ORC1: variants seen among roughly 807,000 people sequenced by gnomAD.
ORC1 encodes origin recognition complex subunit 1.
ORC1 carries 61 observed loss-of-function variants against 98.9 expected under a neutral mutation model. The ratio of observed to expected loss-of-function variants is 0.62; its 90% confidence interval spans 0.50 to 0.76. The LOEUF is 0.76. Ranked by LOEUF, ORC1 falls within the 30% of genes least tolerant of loss-of-function variation. ORC1 has a pLI of 0.00. For synonymous variants in ORC1, 385 were observed against 406.9 expected (o/e 0.95, Z 0.65); for missense variants, 979 against 1,072.2 (o/e 0.91, Z 1.21).
At chr1:52,388,304 T>A in intron 8 of ORC1, 138 bp downstream of exon 8, 1 of 826,106 alleles carries the variant, frequency 1.2e-6, no homozygotes, top group Non-Finnish European at 2.1e-6. Context: ...TCTCCATGAA[T>A]ATTCCACAAA....
upstream of ORC1, chr1:52,404,603 C>G: frequency 1.3e-6 from 1 of 797,610 alleles, no homozygotes; most frequent in Admixed American, 3.0e-5. Flanking sequence ...AAGCCCTTTA[C>G]ACTACGGTGT....
chr1:52,401,999 C>T, intron 2 of ORC1, 130 bp downstream of exon 2: 2 of 777,124 alleles, frequency 2.6e-6, no homozygotes, highest in Non-Finnish European at 4.5e-6. Flanking sequence ...ACAAAACCCT[C>T]CTTACAATCA....
chr1:52,381,597 A>T, intron 14 of ORC1, 45 bp downstream of exon 14: 1 of 1,607,110 alleles, frequency 6.2e-7, no homozygotes, highest in Non-Finnish European at 8.5e-7. Context: ...GCAGGTACTC[A>T]GCAAAGATGT....
chr1:52,396,407 A>G (rs758624412), intron 4 of ORC1, 43 bp from the exon 5 acceptor site: 7 of 1,612,822 alleles, frequency 4.3e-6, no homozygotes, highest in Non-Finnish European at 5.9e-6. Flanking sequence ...GATGAGCCCC[A>G]AGAGAGCCAA....
At chr1:52,389,990 T>G (rs1217490359) in intron 6 of ORC1, among the ~76,000 whole-genome samples, 5 of 152,150 alleles carry the variant, frequency 3.3e-5, no homozygotes, top group Admixed American at 3.3e-4. Flanking sequence ...CCCTGAAGAC[T>G]CATCCAAAAA....
chr1:52,398,018 C>T lies in ORC1; in HGVS notation c.224-155G>A, dbSNP rs975585567. Among the ~76,000 whole-genome samples the T allele has an allele frequency of 2.0e-5, 3 of 152,296 alleles. No individual in the cohort carries two copies. In the East Asian group the frequency reaches 5.8e-4, roughly 29 times the overall value. ...AGTCTCTGTCACCCAGGCTGGAGTG[C>T]AGTGGCCCCATCTTGGCTCACTGCA... On this transcript the variant is annotated intron_variant, in intron 3 of 16. Coordinates refer to ENST00000371568, the MANE Select transcript of ORC1 (RefSeq NM_004153.4).
At chr1:52,376,637 C>G (rs561297096) in intron 14 of ORC1, among the ~76,000 whole-genome samples, 3 of 152,130 alleles carry the variant, frequency 2.0e-5, no homozygotes, top group Non-Finnish European at 2.9e-5. Context: ...TTCTCCTCCC[C>G]TCCCATTACC....
In ORC1 at chr1:52,393,952, G is replaced by A. The variant is rs548622304; in HGVS notation, c.722-149C>T. On this transcript the variant is annotated intron_variant, in intron 5 of 16. Coordinates refer to ENST00000371568, the MANE Select transcript of ORC1 (RefSeq NM_004153.4). ...TTCCAGGCTTGCTTTCTCCAGCCCA[G>A]GTAGCTCTAATAATTTTTCATCTCT... The A allele has an allele frequency of 4.7e-6, 4 of 847,554 alleles. No individual in the cohort carries two copies. The African/African-American group carries it at 6.8e-5, about 14-fold the overall frequency. 52.5% of individuals were successfully genotyped at this position (847,554 alleles called of 1,614,324 possible).
intron 2 of ORC1, 71 bp downstream of exon 2, chr1:52,402,058 G>A (rs780682665): frequency 1.3e-5 from 14 of 1,068,612 alleles, no homozygotes; most frequent in Non-Finnish European, 1.7e-5. Context: ...ATTAGAACAG[G>A]CTAGATACAA....
chr1:52,373,000 C>T lies in ORC1; in HGVS notation c.*181G>A, dbSNP rs1646953112. 1.5e-5 allele frequency: 10 copies of T among 683,990 alleles called. No homozygotes were observed. Among genetic ancestry groups the T allele is most frequent in the Non-Finnish European group, 2.7e-6 (1 of 377,308 alleles). 42.4% of individuals were successfully genotyped at this position (683,990 alleles called of 1,614,324 possible). A position where few individuals can be genotyped will look rare whatever the true frequency, so the allele number is the denominator to read the frequency against. ...ACAAAAAATCAGCTGGGCATGGTGG[C>T]ATGTGCCTGTAGTTTCAGCCACCTG... On this transcript the variant is annotated 3_prime_UTR_variant, in exon 17 of 17. Transcript: ENST00000371568.
upstream of ORC1, chr1:52,408,519 C>T (rs749489792): frequency 1.9e-6 from 3 of 1,613,104 alleles, no homozygotes; most frequent in Admixed American, 3.3e-5. Context: ...AGTTGTAAAA[C>T]TCAGGAACTT....
upstream of ORC1, chr1:52,405,020 T>A: frequency 1.1e-6 from 1 of 883,994 alleles, no homozygotes; most frequent in Non-Finnish European, 1.8e-6. Flanking sequence ...TTTGAGTGCC[T>A]GCTAAGTGCC....
At position 52,375,508 on chromosome 1, in the gene ORC1, G is replaced by A. The variant is rs369132620; in HGVS notation, c.2225C>T (p.Ser742Phe). The change falls in exon 15 of 17, where the codon TCC becomes TTC. Residue 742 changes from serine to phenylalanine, a missense_variant. Ser to Phe is a radical substitution (Grantham distance 155). Coordinates refer to ENST00000371568, the MANE Select transcript of ORC1 (RefSeq NM_004153.4). ...ICEFSQQKPD[S>F]PGLVTIAHSM... ...GTGGGCTATGGTGACCAGGCCAGGGGAGTCAGGCTTCTGCTGGGAGAACTC... is the reference window on the plus strand; with the variant it reads ...GTGGGCTATGGTGACCAGGCCAGGGAAGTCAGGCTTCTGCTGGGAGAACTC... The A allele has an allele frequency of 1.2e-5, 19 of 1,614,028 alleles. No homozygotes were observed. Among genetic ancestry groups the A allele is most frequent in the Admixed American group, 8.3e-5 (5 of 59,998 alleles).
intron 3 of ORC1, among the ~76,000 whole-genome samples, chr1:52,400,147 A>G (rs1036012385): frequency 6.6e-6 from 1 of 152,174 alleles, no homozygotes; most frequent in Non-Finnish European, 1.5e-5. Flanking sequence ...TATGTCAAAG[A>G]GAAAGTATGT....
intron 5 of ORC1, 67 bp downstream of exon 5, chr1:52,395,979 A>G: frequency 1.2e-6 from 2 of 1,605,402 alleles, no homozygotes; most frequent in Non-Finnish European, 1.7e-6. Flanking sequence ...TTTCCCATAA[A>G]TTATCATTTT....
intron 10 of ORC1, 40 bp from the exon 11 acceptor site, chr1:52,384,761 C>G: frequency 6.5e-7 from 1 of 1,535,726 alleles, no homozygotes; most frequent in Non-Finnish European, 9.0e-7. Flanking sequence ...AGGTCTCAGC[C>G]AGCCACTACA....
intron 1 of ORC1, 86 bp from the exon 2 acceptor site, chr1:52,402,314 TC>T (rs1460460109): frequency 2.1e-6 from 2 of 946,166 alleles, no homozygotes; most frequent in Non-Finnish European, 3.4e-6. Flanking sequence ...GTCCCTCCCT[TC>T]AAATGAGATC....
At chr1:52,379,888 G>C (rs1647039223) in intron 14 of ORC1, among the ~76,000 whole-genome samples, 1 of 152,066 alleles carries the variant, frequency 6.6e-6, no homozygotes. Flanking sequence ...AGCCGAAATT[G>C]CACCATCGCA....
At position 52,388,717 on chromosome 1, in the gene ORC1, C is replaced by T. The variant is rs1379053702; in HGVS notation, c.1188-80G>A. The T allele has an allele frequency of 4.7e-6, 6 of 1,288,470 alleles. No individual in the cohort carries two copies. In the Admixed American group the frequency reaches 1.0e-4, roughly 22 times the overall value. The allele number at this position is 1,288,470 out of a possible 1,614,324, so 79.8% of individuals were successfully genotyped here. A position where few individuals can be genotyped will look rare whatever the true frequency, so the allele number is the denominator to read the frequency against. On this transcript the variant is annotated intron_variant, in intron 7 of 16. Coordinates refer to ENST00000371568, the MANE Select transcript of ORC1 (RefSeq NM_004153.4). Reference sequence around the variant, plus strand: ...AACTCTATAACATTAGTGTGGATTACAAGTATTGCAGGGTCCCTCCTGTGA... The same window carrying T: ...AACTCTATAACATTAGTGTGGATTATAAGTATTGCAGGGTCCCTCCTGTGA...
Sources: allele counts gnomAD v4.1 joint callset (sites outside exome capture counted in the v4.1 genomes callset), GRCh38; gene constraint gnomAD v4.1.1; transcripts MANE v1.5; gene names NCBI Gene and HGNC (gene_info 2026-07-23, HGNC 2026-07-21).